POU6F2: variants seen among roughly 807,000 people sequenced by gnomAD.
POU6F2 encodes POU class 6 homeobox 2, also known as POU domain, class 6, transcription factor 2.
In POU6F2, 31 loss-of-function variants were observed where a neutral mutation model predicts 71.3. That is an observed-to-expected ratio of 0.43 (90% confidence interval 0.33 to 0.59). The LOEUF (loss-of-function observed/expected upper bound fraction) is 0.59. POU6F2 is among the 20% of genes least tolerant of loss of function. The probability of loss-of-function intolerance (pLI) is 0.04; values close to 1 mark genes in which losing one functional copy is unlikely to be tolerated. For synonymous variants in POU6F2, 347 were observed against 355.7 expected (o/e 0.98, Z 0.27); for missense variants, 783 against 856.8 (o/e 0.91, Z 1.07).
At chr7:39,121,558 G>C (rs1792042517) in intron 2 of POU6F2, among the ~76,000 whole-genome samples, 1 of 152,082 alleles carries the variant, frequency 6.6e-6, no homozygotes, top group South Asian at 2.1e-4. Flanking sequence ...TCTTGTAGTA[G>C]GTACATACTA....
intron 5 of POU6F2, among the ~76,000 whole-genome samples, chr7:39,347,140 A>T (rs1786047647): frequency 6.6e-6 from 1 of 152,166 alleles, no homozygotes; most frequent in African/African-American, 2.4e-5. Flanking sequence ...ATGTGAGGGT[A>T]TCTAATTTGG....
intron 4 of POU6F2, among the ~76,000 whole-genome samples, chr7:39,246,017 A>T (rs1165817772): frequency 6.6e-6 from 1 of 152,222 alleles, no homozygotes; most frequent in Non-Finnish European, 1.5e-5. Flanking sequence ...TCAGGGAGCC[A>T]TATATCAGGA....
intron 4 of POU6F2, among the ~76,000 whole-genome samples, chr7:39,288,652 C>T (rs375029084): frequency 8.5e-5 from 13 of 152,290 alleles, no homozygotes; most frequent in Admixed American, 3.9e-4. Context: ...ATTCCCTAAT[C>T]GTGGTCAGTA....
chr7:39,212,457 C>T (rs1794159733), intron 4 of POU6F2, among the ~76,000 whole-genome samples: 4 of 152,160 alleles, frequency 2.6e-5, no homozygotes, highest in Admixed American at 1.3e-4. Flanking sequence ...CAGATGAGAT[C>T]TAGAAATGAC....
intron 1 of POU6F2, among the ~76,000 whole-genome samples, chr7:39,067,056 G>A (rs1327075758): frequency 6.8e-6 from 1 of 147,372 alleles, no homozygotes; most frequent in Non-Finnish European, 1.5e-5. Flanking sequence ...TATATATTAT[G>A]TATATGGCAT....
intron 4 of POU6F2, among the ~76,000 whole-genome samples, chr7:39,246,784 T>G (rs1783828516): frequency 6.6e-6 from 1 of 151,790 alleles, no homozygotes; most frequent in Admixed American, 6.6e-5. Flanking sequence ...TTTTTTTTTT[T>G]CATTCAGTGT....
At chr7:39,022,077 T>C (rs1024942607) in intron 1 of POU6F2, among the ~76,000 whole-genome samples, 1 of 152,096 alleles carries the variant, frequency 6.6e-6, no homozygotes, top group African/African-American at 2.4e-5. Context: ...CAGAGACTTG[T>C]GACTTTCTTT....
chr7:39,341,621 T>G (rs1476665447), intron 5 of POU6F2, among the ~76,000 whole-genome samples: 1 of 152,216 alleles, frequency 6.6e-6, no homozygotes, highest in African/African-American at 2.4e-5. Flanking sequence ...AATTTCTCTA[T>G]TCCAGGCACC....
At chr7:39,056,776 C>T (rs1417566790) in intron 1 of POU6F2, among the ~76,000 whole-genome samples, 13 of 149,858 alleles carry the variant, frequency 8.7e-5, no homozygotes, top group Admixed American at 5.4e-4. Flanking sequence ...TAGAATTGTG[C>T]GTATGTGGGT....
At chr7:39,128,790 A>G (rs1043861939) in intron 2 of POU6F2, among the ~76,000 whole-genome samples, 1 of 152,228 alleles carries the variant, frequency 6.6e-6, no homozygotes, top group Non-Finnish European at 1.5e-5. Context: ...ACCATTTCTT[A>G]TCTCCTATTA....
intron 2 of POU6F2, among the ~76,000 whole-genome samples, chr7:39,109,399 T>A (rs1474729618): frequency 6.6e-6 from 1 of 152,204 alleles, no homozygotes. Flanking sequence ...TTAATACTCA[T>A]ATGAAAGCAC....
chr7:39,303,233 C>T (rs6462905), intron 4 of POU6F2, among the ~76,000 whole-genome samples: 103,608 of 151,910 alleles, frequency 0.68, 35,371 homozygotes, highest in Admixed American at 0.77. Context: ...CTGCAAGCTC[C>T]GCCTCCCGGG....
At chr7:39,156,162 T>C (rs1055606495) in intron 2 of POU6F2, among the ~76,000 whole-genome samples, 1 of 152,182 alleles carries the variant, frequency 6.6e-6, no homozygotes, top group Non-Finnish European at 1.5e-5. Context: ...AACACAGGAA[T>C]GTAGCACCAA....
At chr7:39,445,092 A>G (rs1448461562) in intron 7 of POU6F2, among the ~76,000 whole-genome samples, 1 of 152,220 alleles carries the variant, frequency 6.6e-6, no homozygotes, top group Admixed American at 6.5e-5. Flanking sequence ...AGCTTATTCA[A>G]ATTAGCTCTC....
At chr7:39,280,975 G>A (rs1316627336) in intron 4 of POU6F2, among the ~76,000 whole-genome samples, 1 of 152,068 alleles carries the variant, frequency 6.6e-6, no homozygotes, top group Non-Finnish European at 1.5e-5. Flanking sequence ...TCCTAGAGTA[G>A]CACCAAAGGA....
At chr7:39,031,933 A>T (rs538677322) in intron 1 of POU6F2, among the ~76,000 whole-genome samples, 1 of 152,140 alleles carries the variant, frequency 6.6e-6, no homozygotes, top group Non-Finnish European at 1.5e-5. Flanking sequence ...ACTCCATGAG[A>T]TTTACAAGCT....
intron 1 of POU6F2, among the ~76,000 whole-genome samples, chr7:39,056,648 T>TTCTCTC (rs56755867): frequency 1.0e-4 from 12 of 117,936 alleles, no homozygotes; most frequent in African/African-American, 3.1e-4. Context: ...CTTTCTCTTT[T>TTCTCTC]TCTCTCTCTC....
At chr7:39,451,040 A>G (rs1295088109) in intron 7 of POU6F2, among the ~76,000 whole-genome samples, 1 of 152,170 alleles carries the variant, frequency 6.6e-6, no homozygotes, top group Non-Finnish European at 1.5e-5. Flanking sequence ...AGAGTCTGTA[A>G]GAGGAGGAAG....
chr7:39,034,183 A>G (rs1440976326), intron 1 of POU6F2, among the ~76,000 whole-genome samples: 1 of 152,192 alleles, frequency 6.6e-6, no homozygotes, highest in African/African-American at 2.4e-5. Context: ...TGTTTCACAG[A>G]AGAGCTTCAT....
Sources: gnomAD v4.1 joint callset for allele counts (sites outside exome capture counted in the v4.1 genomes callset) on GRCh38, gnomAD v4.1.1 for gene constraint, MANE v1.5 for transcripts, NCBI Gene and HGNC (gene_info 2026-07-23, HGNC 2026-07-21) for gene names.